The following SPATS2 variants were observed in gnomAD, a reference collection of about 807,000 sequenced individuals.
The protein encoded by SPATS2 is spermatogenesis-associated serine-rich protein 2.
In SPATS2, 38 loss-of-function variants were observed where a neutral mutation model predicts 63.7. That is an observed-to-expected ratio of 0.60 (90% CI 0.46 to 0.78). The LOEUF (loss-of-function observed/expected upper bound fraction) is 0.78, where lower values mean the gene tolerates loss of function less well. Ranked by LOEUF, SPATS2 falls within the 30% of genes least tolerant of loss-of-function variation. The pLI, the probability that SPATS2 is intolerant of heterozygous loss-of-function variation, is 0.00. For synonymous variants in SPATS2, 207 were observed against 232.9 expected (o/e 0.89, Z 1.01); for missense variants, 588 against 666.2 (o/e 0.88, Z 1.29).
intron 2 of SPATS2, among the ~76,000 whole-genome samples, chr12:49,382,403 C>T (rs1017443195): frequency 6.6e-6 from 1 of 152,180 alleles, no homozygotes; most frequent in Non-Finnish European, 1.5e-5. Flanking sequence ...CTTTTTTATC[C>T]TTCCAAAGAT....
chr12:49,491,183 G>A (rs1285442207), intron 6 of SPATS2: 1 of 158,612 alleles, frequency 6.3e-6, no homozygotes, highest in East Asian at 1.9e-4. Flanking sequence ...AAACATAGCT[G>A]TGTCTCACAG....
intron 2 of SPATS2, among the ~76,000 whole-genome samples, chr12:49,455,124 T>C (rs1945696639): frequency 6.6e-6 from 1 of 152,182 alleles, no homozygotes; most frequent in Non-Finnish European, 1.5e-5. Context: ...TTTTAAAGTC[T>C]GGCTTGCTGA....
At chr12:49,447,499 A>G (rs1355610099) in intron 2 of SPATS2, among the ~76,000 whole-genome samples, 1 of 152,170 alleles carries the variant, frequency 6.6e-6, no homozygotes, top group Non-Finnish European at 1.5e-5. Flanking sequence ...GGCCTCCCAA[A>G]GTGCTGGGAT....
At chr12:49,415,140 C>T (rs1298100059) in intron 2 of SPATS2, among the ~76,000 whole-genome samples, 1 of 151,876 alleles carries the variant, frequency 6.6e-6, no homozygotes, top group Non-Finnish European at 1.5e-5. Context: ...CCATATTGGG[C>T]AGGCTGGTCT....
chr12:49,449,584 A>C (rs1945581718), intron 2 of SPATS2, among the ~76,000 whole-genome samples: 1 of 152,188 alleles, frequency 6.6e-6, no homozygotes, highest in African/African-American at 2.4e-5. Context: ...GAGACTGGGT[A>C]ATTTATAAAG....
intron 1 of SPATS2, among the ~76,000 whole-genome samples, 179 bp downstream of exon 1, chr12:49,367,766 C>T (rs56094166): frequency 4.6e-4 from 67 of 147,080 alleles, no homozygotes; most frequent in Non-Finnish European, 9.4e-4. Context: ...TTCCTGGGGT[C>T]TGTGGGGCGG....
chr12:49,495,489 G>A (rs1282680645), intron 7 of SPATS2, among the ~76,000 whole-genome samples: 3 of 152,032 alleles, frequency 2.0e-5, no homozygotes, highest in Middle Eastern at 3.4e-3. Flanking sequence ...TGCCCACCGC[G>A]CCTGGCTGAA....
rs528961480 is a variant in SPATS2, at chr12:49,414,441, T to TA, written c.-244+43161dup. ...ACTTGTTTTTATATTTTCAAAGGGTTAAAAAAAAAAGTTCAACAGAGACTG... is the reference window on the plus strand; with the variant it reads ...ACTTGTTTTTATATTTTCAAAGGGTTAAAAAAAAAAAGTTCAACAGAGACTG... On this transcript the variant is annotated intron_variant, in intron 2 of 13. Coordinates refer to ENST00000552918, the MANE Select transcript of SPATS2 (RefSeq NM_023071.4). Among the ~76,000 whole-genome samples the TA allele has an allele frequency of 5.1e-4, 76 of 149,372 alleles. 1 individual carries two copies. The South Asian group carries it at 0.012, about 24-fold the overall frequency.
Position 49,375,276 on chromosome 12 carries a change from G to A in SPATS2, c.-244+3986G>A, listed in dbSNP as rs919082837. On this transcript the variant is annotated intron_variant, in intron 2 of 13. Coordinates refer to ENST00000552918, the MANE Select transcript of SPATS2 (RefSeq NM_023071.4). Reference sequence around the variant, plus strand: ...TTTGTGATGAGGCCATTATATGATTGTGAATGAGCCAGGATAGATAAGTAA... The same window carrying A: ...TTTGTGATGAGGCCATTATATGATTATGAATGAGCCAGGATAGATAAGTAA... Among the ~76,000 whole-genome samples the A allele has an allele frequency of 5.9e-5, 9 of 151,944 alleles. No individual in the cohort carries two copies. In the South Asian group the frequency reaches 1.9e-3, roughly 32 times the overall value.
chr12:49,390,691 G>A (rs1347644746), intron 2 of SPATS2, among the ~76,000 whole-genome samples: 1 of 152,062 alleles, frequency 6.6e-6, no homozygotes, highest in Admixed American at 6.6e-5. Context: ...AAAGGCTATA[G>A]GAATGTGTTA....
intron 2 of SPATS2, among the ~76,000 whole-genome samples, chr12:49,435,123 C>T (rs1335896993): frequency 6.6e-6 from 1 of 150,928 alleles, no homozygotes; most frequent in African/African-American, 2.4e-5. Flanking sequence ...CTCCTCCTCC[C>T]GGGTTCACGC....
chr12:49,516,740 T>G (rs1460767006), intron 10 of SPATS2, among the ~76,000 whole-genome samples: 1 of 151,806 alleles, frequency 6.6e-6, no homozygotes, highest in Non-Finnish European at 1.5e-5. Context: ...AAAAGAAAAT[T>G]TCAGATAGCG....
intron 2 of SPATS2, among the ~76,000 whole-genome samples, chr12:49,446,851 G>T (rs1241699844): frequency 1.3e-5 from 2 of 152,074 alleles, no homozygotes; most frequent in African/African-American, 4.8e-5. Context: ...AGGAATCTTG[G>T]GGAGATATCT....
intron 2 of SPATS2, among the ~76,000 whole-genome samples, chr12:49,443,058 C>G (rs1292494251): frequency 2.6e-5 from 4 of 152,082 alleles, no homozygotes; most frequent in African/African-American, 9.7e-5. Context: ...AAGGTTCATC[C>G]TTGTAGCATG....
intron 2 of SPATS2, among the ~76,000 whole-genome samples, chr12:49,388,890 C>T (rs1944368488): frequency 6.6e-6 from 1 of 151,184 alleles, no homozygotes; most frequent in South Asian, 2.1e-4. Context: ...GATGGGATCT[C>T]ACTATGTTGG....
In SPATS2 at chr12:49,404,983, A is replaced by ATT. The variant is rs59746061; in HGVS notation, c.-244+33705_-244+33706dup. ...CTTGTGTTGGAACACAACCATGCTC[A>ATT]TTTTTTTTTTTTTGTATTGTCTATG... is the stretch of plus-strand genomic sequence containing the variant. On this transcript the variant is annotated intron_variant, in intron 2 of 13. Transcript: ENST00000552918. Among the ~76,000 whole-genome samples, 78 of 145,896 alleles carry ATT rather than the reference A, an allele frequency of 5.3e-4. 1 individual carries two copies. Among genetic ancestry groups the ATT allele is most frequent in the Middle Eastern group, 3.6e-3 (1 of 278 alleles).
chr12:49,382,673 A>G (rs1238897157), intron 2 of SPATS2, among the ~76,000 whole-genome samples: 1 of 152,166 alleles, frequency 6.6e-6, no homozygotes, highest in Admixed American at 6.6e-5. Context: ...TTACACTTAT[A>G]TGCCTATTTA....
intron 3 of SPATS2, among the ~76,000 whole-genome samples, chr12:49,478,775 T>C (rs1293341819): frequency 6.6e-6 from 1 of 152,180 alleles, no homozygotes; most frequent in African/African-American, 2.4e-5. Flanking sequence ...TTACGGATCT[T>C]TGGAGTGTCA....
intron 2 of SPATS2, among the ~76,000 whole-genome samples, chr12:49,434,230 G>A (rs1945234510): frequency 6.6e-6 from 1 of 152,106 alleles, no homozygotes; most frequent in South Asian, 2.1e-4. Context: ...CCAACTCCTT[G>A]TTTTTCTTTT....
Sources: allele counts gnomAD v4.1 joint callset (sites outside exome capture counted in the v4.1 genomes callset), GRCh38; gene constraint gnomAD v4.1.1; transcripts MANE v1.5; gene names NCBI Gene and HGNC (gene_info 2026-07-23, HGNC 2026-07-21).